NBDY: variants seen among roughly 807,000 people sequenced by gnomAD.
NBDY encodes the protein negative regulator of P-body association.
chrX:56,816,811 A>G (rs1042128151), intron 2 of NBDY, among the ~76,000 whole-genome samples: 6 of 111,251 alleles, frequency 5.4e-5, no homozygotes, highest in Non-Finnish European at 1.1e-4. Context: ...AGGAATGGTA[A>G]AAGTTTAGCA....
intron 2 of NBDY, among the ~76,000 whole-genome samples, chrX:56,753,132 A>C (rs1192011587): frequency 8.9e-6 from 1 of 112,498 alleles, no homozygotes; most frequent in Non-Finnish European, 1.9e-5. Flanking sequence ...CTTACTGAAC[A>C]CTTGCTGTGT....
intron 1 of NBDY, among the ~76,000 whole-genome samples, chrX:56,729,972 C>T (rs1358008930): frequency 9.3e-6 from 1 of 107,318 alleles, no homozygotes; most frequent in Non-Finnish European, 1.9e-5. Flanking sequence ...TCTACTTTTG[C>T]GTGCATTGGA....
chrX:56,783,386 C>G (rs1010402243), intron 2 of NBDY, among the ~76,000 whole-genome samples: 18 of 113,082 alleles, frequency 1.6e-4, no homozygotes, highest in Admixed American at 8.3e-4. Context: ...CAAGGGCATC[C>G]CAGAACTGCC....
At position 56,818,986 on chromosome X, in the gene NBDY, AAAAAAAAAAC is replaced by A. The variant is rs1324835002; in HGVS notation, c.*1841_*1850del. On this transcript the variant is annotated 3_prime_UTR_variant, in exon 3 of 3. Transcript: ENST00000374922. ...CTGGGACAACTTGGTATCTACATGC[AAAAAAAAAAC>A]AAAAAAACAAAAAACTTCCACCCCT... 1 of 43,766 alleles carries A rather than the reference AAAAAAAAAAC, an allele frequency of 2.3e-5. No homozygotes were observed. Among genetic ancestry groups the A allele is most frequent in the Non-Finnish European group, 5.2e-5 (1 of 19,080 alleles). The allele number at this position is 43,766 out of a possible 1,213,427, so 3.6% of individuals were successfully genotyped here.
chrX:56,762,175 CTA>C (rs1187797219), intron 2 of NBDY, among the ~76,000 whole-genome samples: 3 of 111,729 alleles, frequency 2.7e-5, no homozygotes, highest in Non-Finnish European at 5.7e-5. Context: ...CCCATGAACT[CTA>C]TCCTTCAGGA....
intron 2 of NBDY, among the ~76,000 whole-genome samples, chrX:56,806,241 C>T (rs1159239385): frequency 8.9e-6 from 1 of 111,999 alleles, no homozygotes; most frequent in African/African-American, 3.3e-5. Context: ...TGGGTTGGTT[C>T]CAAGTCTTTG....
In NBDY at chrX:56,811,337, G is replaced by A. The variant is rs1301813140; in HGVS notation, c.*167-5983G>A. Among the ~76,000 whole-genome samples, 3 of 111,989 alleles carry A rather than the reference G, an allele frequency of 2.7e-5. 1 individual carries two copies. Among genetic ancestry groups the A allele is most frequent in the African/African-American group, 9.7e-5 (3 of 30,785 alleles). On this transcript the variant is annotated intron_variant, in intron 2 of 2. Coordinates refer to ENST00000374922, the MANE Select transcript of NBDY (RefSeq NM_001348129.2). ...GTACCAGGCAGGGACGTTTAAATCT[G>A]CTGAAGCTGCACCCCCAACTGTTCC...
At chrX:56,739,238 G>GTGTATATATATA (rs1556001298) in intron 2 of NBDY, among the ~76,000 whole-genome samples, 8 of 59,632 alleles carry the variant, frequency 1.3e-4, no homozygotes, top group African/African-American at 5.6e-4. Context: ...GTTTGTGTGT[G>GTGTATATATATA]TATATATATA....
At chrX:56,764,231 G>A (rs999256903) in intron 2 of NBDY, among the ~76,000 whole-genome samples, 1 of 112,507 alleles carries the variant, frequency 8.9e-6, no homozygotes, top group Admixed American at 9.3e-5. Context: ...TGTTCCCCGG[G>A]AGGATCGGGG....
At chrX:56,803,829 A>G (rs2069836257) in intron 2 of NBDY, among the ~76,000 whole-genome samples, 1 of 111,990 alleles carries the variant, frequency 8.9e-6, no homozygotes, top group Admixed American at 9.4e-5. Flanking sequence ...CAAAAAGAAA[A>G]GAAAGAAAGA....
intron 2 of NBDY, among the ~76,000 whole-genome samples, chrX:56,761,743 G>A (rs759201985): frequency 1.2e-4 from 14 of 112,955 alleles, no homozygotes; most frequent in African/African-American, 3.5e-4. Context: ...GGGAGAACAC[G>A]CCTTCTTTTC....
chrX:56,810,068 T>C (rs2069877535), intron 2 of NBDY, among the ~76,000 whole-genome samples: 1 of 57,875 alleles, frequency 1.7e-5, no homozygotes, highest in Non-Finnish European at 5.3e-5. Context: ...TTTAAGAATG[T>C]TGAATATTGG....
intron 2 of NBDY, among the ~76,000 whole-genome samples, chrX:56,746,750 C>T: frequency 9.0e-6 from 1 of 111,211 alleles, no homozygotes; most frequent in Non-Finnish European, 1.9e-5. Context: ...CTGTTCCTAG[C>T]TTCTAGAGGC....
intron 2 of NBDY, among the ~76,000 whole-genome samples, chrX:56,758,161 C>A (rs1483802961): frequency 2.7e-5 from 3 of 110,031 alleles, no homozygotes; most frequent in Non-Finnish European, 5.7e-5. Context: ...TGGTGAAACC[C>A]TATCTCTACT....
At chrX:56,746,003 C>T (rs1163928549) in intron 2 of NBDY, among the ~76,000 whole-genome samples, 3 of 111,421 alleles carry the variant, frequency 2.7e-5, no homozygotes, top group Non-Finnish European at 5.7e-5. Context: ...TTTCTGGACA[C>T]GGGTCAAATT....
chrX:56,816,779 T>A (rs914650494), intron 2 of NBDY, among the ~76,000 whole-genome samples: 3 of 111,188 alleles, frequency 2.7e-5, no homozygotes, highest in African/African-American at 9.8e-5. Context: ...TATGTTTTCT[T>A]CTGTAAATAG....
chrX:56,765,597 G>C (rs912093352), intron 2 of NBDY, among the ~76,000 whole-genome samples: 1 of 110,948 alleles, frequency 9.0e-6, no homozygotes, highest in African/African-American at 3.3e-5. Context: ...TAGATCCTTC[G>C]GGACAGCTAC....
intron 2 of NBDY, among the ~76,000 whole-genome samples, chrX:56,788,105 G>T (rs560735237): frequency 6.9e-4 from 78 of 112,677 alleles, no homozygotes; most frequent in African/African-American, 2.3e-3. Context: ...AAGGGCAAAG[G>T]CTGGCTGCCT....
intron 2 of NBDY, chrX:56,737,183 G>T (rs1460292976): frequency 1.5e-6 from 1 of 669,064 alleles, no homozygotes; most frequent in Non-Finnish European, 2.5e-6. Context: ...TCTTAAAATT[G>T]TTTGTTTCAA....
Sources: gnomAD v4.1 joint callset for allele counts (sites outside exome capture counted in the v4.1 genomes callset) on GRCh38, gnomAD v4.1.1 for gene constraint, MANE v1.5 for transcripts, NCBI Gene and HGNC (gene_info 2026-07-23, HGNC 2026-07-21) for gene names.